The following SYT13 variants were observed in gnomAD, a reference collection of about 807,000 sequenced individuals.
The protein encoded by SYT13 is synaptotagmin-13.
A neutral mutation model predicts 38.6 loss-of-function variants in SYT13; 21 were observed. That is an observed-to-expected ratio of 0.54 (90% CI 0.39 to 0.78). SYT13 has a LOEUF of 0.78. Ranked by LOEUF, SYT13 falls within the 30% of genes least tolerant of loss-of-function variation. The pLI is 0.00. For synonymous variants in SYT13, 241 were observed against 237.6 expected (o/e 1.01, Z -0.13); for missense variants, 495 against 548.7 (o/e 0.90, Z 0.98).
Position 45,244,363 on chromosome 11 carries a change from A to AG in SYT13, c.977-8dup. Reference sequence around the variant, plus strand: ...GTCACCTTGACAGAGACATCTGGGGAGGGGCAGAGGGGAAAAAGAGACAGA... The same window carrying AG: ...GTCACCTTGACAGAGACATCTGGGGAGGGGGCAGAGGGGAAAAAGAGACAGA... On this transcript the variant is annotated splice_polypyrimidine_tract_variant and splice_region_variant and intron_variant, in intron 5 of 5. Transcript: ENST00000020926. The AG allele has an allele frequency of 6.2e-7, 1 of 1,607,804 alleles. No individual in the cohort carries two copies. The highest frequency in any genetic ancestry group is 8.5e-7 in the Non-Finnish European group (1 of 1,175,956).
Position 45,241,225 on chromosome 11 carries a change from G to A in SYT13, c.*2827C>T, listed in dbSNP as rs1253066605. ...GACTTTAATTTTTATGCCATTTGCA[G>A]TGTCTTTTTCTGCCTACTCTGCCAG... On this transcript the variant is annotated 3_prime_UTR_variant, in exon 6 of 6. Transcript: ENST00000020926. 1 of 152,172 alleles carries A rather than the reference G, an allele frequency of 6.6e-6. No homozygotes were observed. The allele number at this position is 152,172 out of a possible 1,614,324, so 9.4% of individuals were successfully genotyped here. A position where few individuals can be genotyped will look rare whatever the true frequency, so the allele number is the denominator to read the frequency against.
At chr11:45,258,568 G>A (rs1854775928) in intron 1 of SYT13, 1 of 152,134 alleles carries the variant, frequency 6.6e-6, no homozygotes, top group African/African-American at 2.4e-5. Flanking sequence ...ACAAACAGGT[G>A]AAATAAATAA....
chr11:45,275,534 C>T (rs984300532), intron 1 of SYT13, among the ~76,000 whole-genome samples: 1 of 152,204 alleles, frequency 6.6e-6, no homozygotes, highest in African/African-American at 2.4e-5. Context: ...AAGTCTACCC[C>T]AAAACCACAA....
At chr11:45,263,537 G>A (rs1299548460) in intron 1 of SYT13, among the ~76,000 whole-genome samples, 2 of 152,132 alleles carry the variant, frequency 1.3e-5, no homozygotes, top group Admixed American at 6.5e-5. Flanking sequence ...TTAAAAAAGG[G>A]GAGGGCAGAG....
intron 1 of SYT13, among the ~76,000 whole-genome samples, chr11:45,270,395 G>C (rs1854935414): frequency 6.6e-6 from 1 of 152,014 alleles, no homozygotes; most frequent in Non-Finnish European, 1.5e-5. Context: ...TTGTTTTTAT[G>C]TCAGTTTCCT....
chr11:45,285,014 A>G (rs762648643), intron 1 of SYT13, among the ~76,000 whole-genome samples: 3 of 152,230 alleles, frequency 2.0e-5, no homozygotes, highest in Non-Finnish European at 4.4e-5. Flanking sequence ...ATGGAGTCAC[A>G]GCATTTTAGT....
At chr11:45,280,887 C>T (rs752587578) in intron 1 of SYT13, among the ~76,000 whole-genome samples, 1 of 152,224 alleles carries the variant, frequency 6.6e-6, no homozygotes, top group Admixed American at 6.5e-5. Flanking sequence ...GGCTCCACTA[C>T]ACATATATTG....
At chr11:45,244,396 G>T in intron 5 of SYT13, 40 bp from the exon 6 acceptor site, 1 of 1,580,744 alleles carries the variant, frequency 6.3e-7, no homozygotes, top group South Asian at 1.2e-5. Context: ...AGAGAGAAGG[G>T]ACAAGAGTGA....
chr11:45,253,018 G>T (rs1454851071), intron 3 of SYT13, among the ~76,000 whole-genome samples: 1 of 152,210 alleles, frequency 6.6e-6, no homozygotes, highest in African/African-American at 2.4e-5. Context: ...AAGGTGCCAA[G>T]GCTTGCTGCT....
chr11:45,281,860 AG>A (rs1199382374), intron 1 of SYT13, among the ~76,000 whole-genome samples: 1 of 152,234 alleles, frequency 6.6e-6, no homozygotes, highest in Non-Finnish European at 1.5e-5. Flanking sequence ...GCCATGAAAA[AG>A]AAGGCTTTCT....
rs565852606 is a variant in SYT13 at position 45,276,589 on chromosome 11, A to T, written c.183+9436T>A. ...CAGAACTTATAATAAAAATTTTTTT[A>T]AAAAAACTTGCCAGCTACTGATGAA... On this transcript the variant is annotated intron_variant, in intron 1 of 5. Transcript: ENST00000020926. 2.8e-4 allele frequency among the ~76,000 whole-genome samples: 42 copies of T among 152,174 alleles called. 2 individuals carry two copies. Among genetic ancestry groups the T allele is most frequent in the Admixed American group, 1.2e-3 (19 of 15,300 alleles).
In SYT13 at chr11:45,252,723, C is replaced by A; in HGVS notation, c.545-1G>T. 1 of 1,566,700 alleles carries A rather than the reference C, an allele frequency of 6.4e-7. No homozygotes were observed. Among genetic ancestry groups the A allele is most frequent in the Non-Finnish European group, 8.7e-7 (1 of 1,150,638 alleles). ...CCTCCGTCGTGGTTGCTGGTCACAG[C>A]TGCAGGCAAGGAGAACAACACAGGC... On this transcript the variant is annotated splice_acceptor_variant, in intron 3 of 5. Coordinates refer to ENST00000020926, the MANE Select transcript of SYT13 (RefSeq NM_020826.3). LOFTEE classifies it high-confidence loss of function. The surrounding 1 kb of genome is among the most constrained non-coding windows in gnomAD (Gnocchi z 4.3).
intron 1 of SYT13, among the ~76,000 whole-genome samples, chr11:45,262,499 A>G (rs7482931): frequency 0.87 from 132,052 of 152,128 alleles, 58,253 homozygotes; most frequent in Non-Finnish European, 0.91. Flanking sequence ...GCTGAAGCAG[A>G]AGGATGGCTT....
intron 1 of SYT13, chr11:45,285,795 G>T (rs1025837069): frequency 1.1e-5 from 8 of 712,800 alleles, no homozygotes; most frequent in Admixed American, 2.0e-5. Context: ...GTCCCCACAA[G>T]CTCGCCGCTC....
chr11:45,267,008 C>T (rs1004088742), intron 1 of SYT13, among the ~76,000 whole-genome samples: 1 of 152,254 alleles, frequency 6.6e-6, no homozygotes, highest in African/African-American at 2.4e-5. Context: ...CCTCTTCCAC[C>T]TTGTGGCCTT....
intron 4 of SYT13, among the ~76,000 whole-genome samples, chr11:45,247,126 G>A (rs571214277): frequency 6.6e-6 from 1 of 152,210 alleles, no homozygotes; most frequent in Non-Finnish European, 1.5e-5. Context: ...CCCCTGTGAG[G>A]CATCCAAACA....
At chr11:45,276,459 C>A (rs929098480) in intron 1 of SYT13, among the ~76,000 whole-genome samples, 1 of 152,044 alleles carries the variant, frequency 6.6e-6, no homozygotes, top group African/African-American at 2.4e-5. Flanking sequence ...GGAGGGATAG[C>A]ATTAGGAGAA....
chr11:45,281,974 T>C (rs948147925), intron 1 of SYT13, among the ~76,000 whole-genome samples: 1 of 152,074 alleles, frequency 6.6e-6, no homozygotes, highest in African/African-American at 2.4e-5. Context: ...ATTCTTTAGG[T>C]TGGGCGAAAG....
chr11:45,266,720 T>C (rs982988391), intron 1 of SYT13, among the ~76,000 whole-genome samples: 1 of 152,214 alleles, frequency 6.6e-6, no homozygotes, highest in African/African-American at 2.4e-5. Context: ...CACTTCCAAC[T>C]GCAGAGAAAA....
Sources: allele counts gnomAD v4.1 joint callset (sites outside exome capture counted in the v4.1 genomes callset), GRCh38; gene constraint gnomAD v4.1.1; non-coding constraint Gnocchi (gnomAD v3.1); transcripts MANE v1.5; gene names NCBI Gene and HGNC (gene_info 2026-07-23, HGNC 2026-07-21).